Variants in MTUS2 observed in about 807,000 individuals in gnomAD.
The protein encoded by MTUS2 is microtubule-associated tumor suppressor candidate 2.
Under a neutral mutation model 114.1 loss-of-function variants are expected in MTUS2, and 40 were observed. The observed-to-expected ratio is 0.35, with a 90% CI of 0.27 to 0.46. The LOEUF (loss-of-function observed/expected upper bound fraction) is 0.46, where lower values mean the gene tolerates loss of function less well. Ranked by LOEUF, MTUS2 falls within the 20% of genes least tolerant of loss-of-function variation. The pLI is 1.00. For missense variants in MTUS2, 1,679 were observed against 1,705.4 expected, an observed-to-expected ratio of 0.98 and a Z score of 0.27; for synonymous variants, 688 against 672.0, an observed-to-expected ratio of 1.02 and a Z score of -0.37.
rs145500169 is a variant in MTUS2 at position 29,188,556 on chromosome 13, C to T, written c.2644+87586C>T. ...AGAGTTTTAGCCATTTTGAGCCTACCTGCTTTGCATACCCCCAAAACTCTA... is the reference window on the plus strand; with the variant it reads ...AGAGTTTTAGCCATTTTGAGCCTACTTGCTTTGCATACCCCCAAAACTCTA... On this transcript the variant is annotated intron_variant, in intron 5 of 15. Transcript: ENST00000612955. 3.3e-3 allele frequency among the ~76,000 whole-genome samples: 497 copies of T among 152,238 alleles called. 2 individuals are homozygous for T. The highest frequency in any genetic ancestry group is 0.011 in the African/African-American group (474 of 41,520).
At chr13:29,245,405 A>C (rs994854991) in intron 5 of MTUS2, among the ~76,000 whole-genome samples, 1 of 152,184 alleles carries the variant, frequency 6.6e-6, no homozygotes, top group Non-Finnish European at 1.5e-5. Flanking sequence ...AGAAAGTGCA[A>C]GGTATGTTCT....
intron 7 of MTUS2, chr13:29,339,844 C>G (rs1214512704): frequency 6.5e-6 from 1 of 153,292 alleles, no homozygotes; most frequent in Non-Finnish European, 1.5e-5. Context: ...GGGGCCTGGA[C>G]CGCAAGGCCC....
At chr13:29,492,876 G>A (rs942747534) in intron 12 of MTUS2, among the ~76,000 whole-genome samples, 157 bp downstream of exon 12, 14 of 152,204 alleles carry the variant, frequency 9.2e-5, no homozygotes, top group African/African-American at 3.4e-4. Flanking sequence ...CTTAAGAAAT[G>A]TGCTGTCTGC....
chr13:29,459,264 T>C (rs906305786), intron 9 of MTUS2, among the ~76,000 whole-genome samples: 2 of 152,214 alleles, frequency 1.3e-5, no homozygotes, highest in African/African-American at 4.8e-5. Context: ...ACCACAACTT[T>C]GTGGCTCAGT....
intron 5 of MTUS2, among the ~76,000 whole-genome samples, chr13:29,165,759 AG>A (rs2139096679): frequency 6.6e-6 from 1 of 152,346 alleles, no homozygotes; most frequent in African/African-American, 2.4e-5. Flanking sequence ...TCTGAGTGGA[AG>A]GGAAATGTTA....
intron 2 of MTUS2, among the ~76,000 whole-genome samples, chr13:28,889,133 A>G (rs559980396): frequency 2.0e-5 from 3 of 152,248 alleles, no homozygotes; most frequent in African/African-American, 7.2e-5. Context: ...TGGTGGTGAC[A>G]GGTTCATTGT....
At chr13:29,295,838 C>T (rs1331487453) in intron 6 of MTUS2, among the ~76,000 whole-genome samples, 1 of 152,122 alleles carries the variant, frequency 6.6e-6, no homozygotes, top group Non-Finnish European at 1.5e-5. Context: ...TGCAGCGGAA[C>T]TGCATTTTAT....
At chr13:28,943,504 T>C (rs1341353593) in intron 2 of MTUS2, among the ~76,000 whole-genome samples, 3 of 152,216 alleles carry the variant, frequency 2.0e-5, no homozygotes, top group African/African-American at 7.2e-5. Context: ...GGTGACATGT[T>C]AGACTGCACG....
chr13:29,417,361 G>A (rs970191127), intron 8 of MTUS2, among the ~76,000 whole-genome samples: 5 of 152,164 alleles, frequency 3.3e-5, no homozygotes, highest in African/African-American at 9.7e-5. Flanking sequence ...CATTTCAACA[G>A]GAGATTTAGA....
chr13:28,888,645 C>T (rs563948548), intron 2 of MTUS2, among the ~76,000 whole-genome samples: 48 of 152,244 alleles, frequency 3.2e-4, no homozygotes, highest in African/African-American at 1.2e-3. Context: ...TGGTCTCGAA[C>T]TCCTGACCTC....
intron 7 of MTUS2, among the ~76,000 whole-genome samples, chr13:29,340,986 T>C (rs1901364400): frequency 6.6e-6 from 1 of 152,230 alleles, no homozygotes. Context: ...ATTTCTTTTC[T>C]TTTTTAAGGC....
At chr13:28,953,210 A>G (rs1882895576) in intron 2 of MTUS2, among the ~76,000 whole-genome samples, 2 of 150,522 alleles carry the variant, frequency 1.3e-5, no homozygotes, top group Admixed American at 6.6e-5. Context: ...TTGCTTTTCT[A>G]TCAACTAAGA....
chr13:29,252,474 T>C (rs1897154896), intron 5 of MTUS2, among the ~76,000 whole-genome samples: 1 of 152,090 alleles, frequency 6.6e-6, no homozygotes, highest in Admixed American at 6.6e-5. Context: ...GCTGCAGGGA[T>C]TGCATGTTTA....
intron 6 of MTUS2, among the ~76,000 whole-genome samples, chr13:29,293,630 G>A (rs951635285): frequency 6.6e-6 from 1 of 151,998 alleles, no homozygotes; most frequent in Non-Finnish European, 1.5e-5. Context: ...TATATGTGCA[G>A]GAACTTTCTA....
intron 2 of MTUS2, among the ~76,000 whole-genome samples, chr13:28,943,432 ACAGTT>A (rs750765893): frequency 4.6e-5 from 7 of 152,208 alleles, no homozygotes; most frequent in Non-Finnish European, 7.3e-5. Flanking sequence ...TGAAAATTAA[ACAGTT>A]CAGTTTCTTA....
chr13:29,383,244 G>T (rs868005834), intron 8 of MTUS2, among the ~76,000 whole-genome samples: 2,199 of 53,454 alleles, frequency 0.041, 73 homozygotes, highest in African/African-American at 0.082. Flanking sequence ...GTGTGTGTGT[G>T]TGTGTGTGTA....
At chr13:29,050,342 A>G (rs1887834446) in intron 4 of MTUS2, among the ~76,000 whole-genome samples, 1 of 152,134 alleles carries the variant, frequency 6.6e-6, no homozygotes, top group Non-Finnish European at 1.5e-5. Context: ...ACTCATCTCA[A>G]CAGAGACATT....
intron 9 of MTUS2, among the ~76,000 whole-genome samples, chr13:29,440,761 T>C (rs984335022): frequency 6.6e-6 from 1 of 152,028 alleles, no homozygotes; most frequent in African/African-American, 2.4e-5. Context: ...GCACTCCTCC[T>C]CCATCTAGTG....
chr13:29,135,489 C>G (rs570665638), intron 5 of MTUS2, among the ~76,000 whole-genome samples: 2 of 152,270 alleles, frequency 1.3e-5, no homozygotes, highest in Admixed American at 6.5e-5. Context: ...TCCATTCTGT[C>G]AGTCTCTTTT....
Sources: allele counts gnomAD v4.1 joint callset (sites outside exome capture counted in the v4.1 genomes callset), GRCh38; gene constraint gnomAD v4.1.1; transcripts MANE v1.5; gene names NCBI Gene and HGNC (gene_info 2026-07-23, HGNC 2026-07-21).